UGT1A9: variants seen among roughly 807,000 people sequenced by gnomAD.
The protein encoded by UGT1A9 is UDP-glucuronosyltransferase 1A9.
Under a neutral mutation model 45.0 loss-of-function variants are expected in UGT1A9, and 35 were observed. The ratio of observed to expected loss-of-function variants is 0.78; its 90% CI spans 0.59 to 1.03. UGT1A9 has a LOEUF of 1.03. Among genes scored for constraint, UGT1A9 ranks in the 50% least tolerant of loss-of-function variants. The pLI, the probability that UGT1A9 is intolerant of heterozygous loss-of-function variation, is 0.00. For missense variants in UGT1A9, 687 were observed against 666.6 expected, an observed-to-expected ratio of 1.03 and a Z score of -0.34; for synonymous variants, 278 against 250.6, an observed-to-expected ratio of 1.11 and a Z score of -1.03.
intron 1 of UGT1A9, chr2:233,689,856 A>G (rs2074962856): frequency 2.2e-6 from 1 of 455,870 alleles, no homozygotes; most frequent in Admixed American, 2.4e-5. Flanking sequence ...GTTTTAGGCT[A>G]CTATTACCTT....
chr2:233,705,781 C>T (rs754903994), intron 1 of UGT1A9, among the ~76,000 whole-genome samples: 16 of 152,258 alleles, frequency 1.1e-4, no homozygotes, highest in Non-Finnish European at 2.2e-4. Flanking sequence ...TGTCTTAGTG[C>T]AAAATGCCCC....
At chr2:233,743,997 T>A (rs1692639058) in intron 1 of UGT1A9, 2 of 1,236,004 alleles carry the variant, frequency 1.6e-6, no homozygotes, top group Non-Finnish European at 2.1e-6. Flanking sequence ...GCCCGAGTGC[T>A]CGGAGACCTG....
chr2:233,753,468 A>G (rs1476776984), intron 1 of UGT1A9: 1 of 152,192 alleles, frequency 6.6e-6, no homozygotes, highest in Non-Finnish European at 1.5e-5. Flanking sequence ...TTCTGTAAAA[A>G]ATTACCAGCA....
rs780416991 is a variant in UGT1A9 at position 233,693,499 on chromosome 2, A to G, written c.855+20710A>G. 4 of 1,614,132 alleles carry G rather than the reference A, an allele frequency of 2.5e-6. No individual in the cohort carries two copies. The South Asian group carries it at 4.4e-5, about 18-fold the overall frequency. Reference sequence around the variant, plus strand: ...TGATCCTGGCTGAGTATTTGGGCCTACCATCTGTGTACCTCTTCAGGGGTT... The same window carrying G: ...TGATCCTGGCTGAGTATTTGGGCCTGCCATCTGTGTACCTCTTCAGGGGTT... On this transcript the variant is annotated intron_variant, in intron 1 of 4. Coordinates refer to ENST00000354728, the MANE Select transcript of UGT1A9 (RefSeq NM_021027.3).
At chr2:233,710,204 G>A (rs2076118608) in intron 1 of UGT1A9, among the ~76,000 whole-genome samples, 1 of 152,110 alleles carries the variant, frequency 6.6e-6, no homozygotes, top group Non-Finnish European at 1.5e-5. Context: ...TCCAGTTGTT[G>A]GCTATTATGA....
chr2:233,743,312 T>A, intron 1 of UGT1A9: 2 of 657,664 alleles, frequency 3.0e-6, no homozygotes, highest in South Asian at 1.5e-5. Context: ...TTGGTGGTGA[T>A]TTTTTTACCA....
chr2:233,764,474 A>G (rs1415490690), intron 1 of UGT1A9, among the ~76,000 whole-genome samples: 1 of 152,114 alleles, frequency 6.6e-6, no homozygotes, highest in East Asian at 1.9e-4. Context: ...CTGCTATTTA[A>G]CTTCGAATGT....
chr2:233,719,525 C>T (rs2076777345), intron 1 of UGT1A9: 21 of 1,613,982 alleles, frequency 1.3e-5, no homozygotes, highest in Non-Finnish European at 1.8e-5. Context: ...CAAGTCTTGC[C>T]TCTGAGCTTT....
At chr2:233,723,516 C>T (rs1242100621) in intron 1 of UGT1A9, among the ~76,000 whole-genome samples, 34 of 85,382 alleles carry the variant, frequency 4.0e-4, no homozygotes, top group African/African-American at 1.3e-3. Flanking sequence ...GGTCAACAAT[C>T]TTTTTTTTTT....
In UGT1A9 at chr2:233,772,254, G is replaced by A. The variant is rs1700495336; in HGVS notation, c.1296-8G>A. 1 of 1,614,242 alleles carries A rather than the reference G, an allele frequency of 6.2e-7. No homozygotes were observed. The highest frequency in any genetic ancestry group is 8.5e-7 in the Non-Finnish European group (1 of 1,180,046). On this transcript the variant is annotated splice_polypyrimidine_tract_variant and splice_region_variant and intron_variant, in intron 4 of 4. Transcript: ENST00000354728. The stretch of plus-strand genomic sequence containing the variant: ...TTCCAGGCATAACGAAACTGTCTTT[G>A]TGTTTAGTTACAAGGAGAACATCAT...
At chr2:233,743,977 C>A (rs1692620866) in intron 1 of UGT1A9, 2 of 1,309,814 alleles carry the variant, frequency 1.5e-6, no homozygotes, top group Middle Eastern at 2.3e-4. Context: ...CTGCCAGCAC[C>A]CAGGCGCAGG....
intron 1 of UGT1A9, among the ~76,000 whole-genome samples, chr2:233,689,439 A>C (rs1476272923): frequency 6.6e-6 from 1 of 152,238 alleles, no homozygotes; most frequent in African/African-American, 2.4e-5. Flanking sequence ...AAAGGTTTTT[A>C]AGAGCAAGGA....
At chr2:233,680,905 A>G (rs1209365147) in intron 1 of UGT1A9, among the ~76,000 whole-genome samples, 2 of 152,054 alleles carry the variant, frequency 1.3e-5, no homozygotes, top group Admixed American at 1.3e-4. Flanking sequence ...ACTGCAGACA[A>G]TGTATCTGAG....
At chr2:233,763,196 G>C (rs1166459393) in intron 1 of UGT1A9, among the ~76,000 whole-genome samples, 1 of 152,152 alleles carries the variant, frequency 6.6e-6, no homozygotes, top group Non-Finnish European at 1.5e-5. Context: ...TGCCTTGTTT[G>C]GTGCAGTCAG....
At chr2:233,768,021 G>A (rs1699549230) in intron 3 of UGT1A9, 85 bp downstream of exon 3, 3 of 1,613,440 alleles carry the variant, frequency 1.9e-6, no homozygotes, top group East Asian at 2.2e-5. Flanking sequence ...AAGGATTGTT[G>A]AGCTTGAAAA....
chr2:233,766,442 C>CT (rs982093013), intron 1 of UGT1A9, among the ~76,000 whole-genome samples: 2 of 152,206 alleles, frequency 1.3e-5, no homozygotes, highest in African/African-American at 4.8e-5. Flanking sequence ...ACCTGTGTGT[C>CT]TGCCTGCTAG....
rs1249227903 is a variant in UGT1A9 at position 233,691,705 on chromosome 2, C to T, written c.855+18916C>T. 5.3e-6 allele frequency: 5 copies of T among 943,294 alleles called. No individual in the cohort carries two copies. The African/African-American group carries it at 5.3e-5, about 10-fold the overall frequency. The allele number at this position is 943,294 out of a possible 1,614,324, so 58.4% of individuals were successfully genotyped here. A position where few individuals can be genotyped will look rare whatever the true frequency, so the allele number is the denominator to read the frequency against. On this transcript the variant is annotated intron_variant, in intron 1 of 4. Coordinates refer to ENST00000354728, the MANE Select transcript of UGT1A9 (RefSeq NM_021027.3). ...CCTGAAGCTCAGGAGAGGAGTCACT[C>T]CCCTGGCAGATGGGTGGCTGGGCCA...
At chr2:233,760,734 G>C (rs1458334680) in intron 1 of UGT1A9, 2 of 1,614,080 alleles carry the variant, frequency 1.2e-6, no homozygotes, top group Non-Finnish European at 1.7e-6. Context: ...ATGTCATGCT[G>C]ACGGACCCTT....
At chr2:233,674,416 G>A (rs2602379) in intron 1 of UGT1A9, among the ~76,000 whole-genome samples, 93,543 of 151,846 alleles carry the variant, frequency 0.62, 29,077 homozygotes, top group South Asian at 0.65. Context: ...TCCATTAATT[G>A]TAGTAACAGG....
Sources: gnomAD v4.1 joint callset for allele counts (sites outside exome capture counted in the v4.1 genomes callset) on GRCh38, gnomAD v4.1.1 for gene constraint, MANE v1.5 for transcripts, NCBI Gene and HGNC (gene_info 2026-07-23, HGNC 2026-07-21) for gene names.